The following DPYD variants were observed in gnomAD, a reference collection of about 807,000 sequenced individuals.
DPYD encodes the protein dihydropyrimidine dehydrogenase.
Under a neutral mutation model 116.2 loss-of-function variants are expected in DPYD, and 109 were observed. That is an observed-to-expected ratio of 0.94 (90% CI 0.80 to 1.10). The LOEUF is 1.10. DPYD is among the 50% of genes least tolerant of loss of function. The pLI is 0.00. For missense variants in DPYD, 1,302 were observed against 1,254.5 expected (o/e 1.04, Z -0.57); for synonymous variants, 440 against 432.0 (o/e 1.02, Z -0.23).
intron 14 of DPYD, among the ~76,000 whole-genome samples, chr1:97,444,434 A>C (rs1675964655): frequency 6.6e-6 from 1 of 152,212 alleles, no homozygotes; most frequent in Non-Finnish European, 1.5e-5. Flanking sequence ...TAAAGCCCTT[A>C]GCACAGTGCC....
At chr1:97,884,836 G>T (rs1244060454) in intron 1 of DPYD, among the ~76,000 whole-genome samples, 1 of 151,932 alleles carries the variant, frequency 6.6e-6, no homozygotes, top group Non-Finnish European at 1.5e-5. Flanking sequence ...GGTAGCATAT[G>T]CTTATTCCTG....
chr1:97,295,104 T>C (rs1191472740), intron 18 of DPYD, among the ~76,000 whole-genome samples: 4 of 152,276 alleles, frequency 2.6e-5, no homozygotes, highest in African/African-American at 9.6e-5. Flanking sequence ...GACTATGACA[T>C]ATCCTGGTTA....
chr1:97,901,931 T>C (rs1673388735), intron 1 of DPYD, among the ~76,000 whole-genome samples: 1 of 151,856 alleles, frequency 6.6e-6, no homozygotes, highest in African/African-American at 2.4e-5. Context: ...CTGGGTTTAA[T>C]ATTTATCAAT....
In DPYD at chr1:97,309,331, T is replaced by G. The variant is rs542011193; in HGVS notation, c.2059-3034A>C. Among the ~76,000 whole-genome samples the G allele has an allele frequency of 5.4e-5, 8 of 147,654 alleles. No homozygotes were observed. In the East Asian group the frequency reaches 8.1e-4, roughly 15 times the overall value. ...ATCTCTGTCACAGTAGTTGCTTGTC[T>G]TGTGTGTGTGTGTGTGTGTGTGTGT... On this transcript the variant is annotated intron_variant, in intron 16 of 22. Coordinates refer to ENST00000370192, the MANE Select transcript of DPYD (RefSeq NM_000110.4).
intron 19 of DPYD, among the ~76,000 whole-genome samples, chr1:97,219,983 A>C (rs1284682379): frequency 6.6e-6 from 1 of 151,716 alleles, no homozygotes; most frequent in Non-Finnish European, 1.5e-5. Context: ...CTACGCCTTG[A>C]TATTTATACT....
intron 19 of DPYD, among the ~76,000 whole-genome samples, chr1:97,233,567 G>A (rs1661717451): frequency 6.6e-6 from 1 of 152,094 alleles, no homozygotes; most frequent in Admixed American, 6.5e-5. Flanking sequence ...GGTGGAGCAG[G>A]GAAGTTATGT....
intron 14 of DPYD, among the ~76,000 whole-genome samples, chr1:97,408,490 T>C (rs2101658480): frequency 6.6e-6 from 1 of 152,318 alleles, no homozygotes; most frequent in South Asian, 2.1e-4. Context: ...TAAGGATTAA[T>C]GCACTTCTGG....
chr1:97,710,810 T>C (rs1219482009), intron 5 of DPYD, among the ~76,000 whole-genome samples: 1 of 151,852 alleles, frequency 6.6e-6, no homozygotes, highest in Non-Finnish European at 1.5e-5. Flanking sequence ...TATTACTATG[T>C]AGCCTGTCTG....
intron 1 of DPYD, chr1:97,883,765 C>CT: frequency 5.0e-6 from 2 of 396,046 alleles, no homozygotes; most frequent in South Asian, 4.1e-5. Flanking sequence ...AGGAATCAAA[C>CT]TTTATCTAAG....
intron 18 of DPYD, among the ~76,000 whole-genome samples, chr1:97,289,696 T>A (rs1291885170): frequency 6.6e-6 from 1 of 152,202 alleles, no homozygotes; most frequent in Non-Finnish European, 1.5e-5. Context: ...CTCAAAATCA[T>A]AAGAGCTATC....
At chr1:97,640,970 A>C (rs1657857972) in intron 8 of DPYD, among the ~76,000 whole-genome samples, 1 of 152,194 alleles carries the variant, frequency 6.6e-6, no homozygotes, top group South Asian at 2.1e-4. Flanking sequence ...TGGGCCTTCT[A>C]GCATAAAATT....
intron 18 of DPYD, among the ~76,000 whole-genome samples, chr1:97,300,679 C>T (rs1380576311): frequency 6.6e-6 from 1 of 152,010 alleles, no homozygotes; most frequent in African/African-American, 2.4e-5. Flanking sequence ...CTAATAAATA[C>T]AACAAAATAA....
intron 14 of DPYD, among the ~76,000 whole-genome samples, chr1:97,405,343 A>G (rs1673597779): frequency 6.6e-6 from 1 of 151,880 alleles, no homozygotes. Flanking sequence ...CTCTTGAAAA[A>G]CTTCCATTAA....
intron 18 of DPYD, among the ~76,000 whole-genome samples, chr1:97,277,194 T>G (rs1664985722): frequency 3.3e-5 from 5 of 151,982 alleles, no homozygotes; most frequent in Admixed American, 3.3e-4. Flanking sequence ...CAACAGACAC[T>G]TGGGACTACC....
At chr1:97,611,109 C>T (rs2811197) in intron 8 of DPYD, among the ~76,000 whole-genome samples, 23,541 of 151,890 alleles carry the variant, frequency 0.15, 2,064 homozygotes, top group African/African-American at 0.22. Context: ...AAGAAAGAGA[C>T]TTATTGGACT....
intron 8 of DPYD, among the ~76,000 whole-genome samples, chr1:97,663,388 C>T (rs1169525393): frequency 6.6e-6 from 1 of 152,042 alleles, no homozygotes; most frequent in Non-Finnish European, 1.5e-5. Flanking sequence ...AGATCTTTAC[C>T]CTGCCTTCTC....
intron 20 of DPYD, among the ~76,000 whole-genome samples, chr1:97,101,740 G>A (rs886203530): frequency 2.0e-5 from 3 of 151,910 alleles, no homozygotes; most frequent in African/African-American, 7.2e-5. Flanking sequence ...TGTAGCCTGC[G>A]GTAACTCAAA....
chr1:97,648,406 C>T (rs1405248002), intron 8 of DPYD, among the ~76,000 whole-genome samples: 2 of 151,932 alleles, frequency 1.3e-5, no homozygotes, highest in African/African-American at 4.8e-5. Flanking sequence ...TGGATCATCT[C>T]AATAGATACT....
At chr1:97,855,423 T>C (rs1670782048) in intron 2 of DPYD, 1 of 152,070 alleles carries the variant, frequency 6.6e-6, no homozygotes, top group Admixed American at 6.6e-5. Flanking sequence ...AAAACATATT[T>C]ATGAGATTTG....
Sources: gnomAD v4.1 joint callset for allele counts (sites outside exome capture counted in the v4.1 genomes callset) on GRCh38, gnomAD v4.1.1 for gene constraint, MANE v1.5 for transcripts, NCBI Gene and HGNC (gene_info 2026-07-23, HGNC 2026-07-21) for gene names.